The following MMP28 variants were observed in gnomAD, a reference collection of about 807,000 sequenced individuals.
MMP28 encodes matrix metalloproteinase-28.
In MMP28, 55 loss-of-function variants were observed where a neutral mutation model predicts 60.5. The observed-to-expected ratio is 0.91, with a 90% CI of 0.73 to 1.14. MMP28 has a LOEUF of 1.14. Among genes scored for constraint, MMP28 ranks in the 50% most tolerant of loss-of-function variants. The pLI, the probability that MMP28 is intolerant of heterozygous loss-of-function variation, is 0.00. For synonymous variants in MMP28, 318 were observed against 312.5 expected, an observed-to-expected ratio of 1.02 and a Z score of -0.18; for missense variants, 686 against 738.3, an observed-to-expected ratio of 0.93 and a Z score of 0.82.
downstream of MMP28, chr17:35,763,973 A>G: frequency 3.4e-6 from 5 of 1,463,484 alleles, no homozygotes; most frequent in South Asian, 1.4e-5. Context: ...TCTCGGGGAC[A>G]GCAGGACTGC....
chr17:35,788,511 C>A (rs2086720280), intron 1 of MMP28, among the ~76,000 whole-genome samples: 1 of 152,126 alleles, frequency 6.6e-6, no homozygotes, highest in Admixed American at 6.6e-5. Flanking sequence ...CCCTTCAGAG[C>A]CTCTTCTGCA....
At chr17:35,785,993 G>T (rs2086635893) in intron 1 of MMP28, among the ~76,000 whole-genome samples, 1 of 151,556 alleles carries the variant, frequency 6.6e-6, no homozygotes, top group South Asian at 2.1e-4. Context: ...TTACCTCTAT[G>T]TTCATGGAGC....
At chr17:35,760,583 G>A (rs1555601326) in intron 2 of MMP28, among the ~76,000 whole-genome samples, 1 of 152,206 alleles carries the variant, frequency 6.6e-6, no homozygotes, top group Non-Finnish European at 1.5e-5. Flanking sequence ...TACTATCTCT[G>A]ACTTACAGAT....
intron 1 of MMP28, among the ~76,000 whole-genome samples, chr17:35,793,273 C>T (rs536971254): frequency 6.6e-6 from 1 of 152,314 alleles, no homozygotes; most frequent in South Asian, 2.1e-4. Context: ...GAAATTCTCT[C>T]CATCTGGGGC....
Position 35,773,324 on chromosome 17 carries a change from C to G in MMP28, c.460G>C (p.Ala154Pro). The change falls in exon 4 of 8, where the codon GCC (alanine) becomes CCC (proline). Residue 154 changes from alanine (A) to proline (P), a missense_variant. Ala to Pro is a conservative substitution (Grantham distance 27). Coordinates refer to ENST00000605424, the MANE Select transcript of MMP28 (RefSeq NM_024302.5). The part of the protein sequence containing the change: ...EHLPEPAVRG[A>P]VRAAFQLWSN... ...CACAACTGGAAGGCGGCGCGCACGG[C>G]GCCCCGAACTGCCGGCTCCGGCAGA... 6.2e-7 allele frequency: 1 copy of G among 1,613,154 alleles called. No homozygotes were observed.
At chr17:35,790,175 T>G (rs113481585) in intron 1 of MMP28, among the ~76,000 whole-genome samples, 3 of 150,676 alleles carry the variant, frequency 2.0e-5, no homozygotes, top group African/African-American at 7.3e-5. Context: ...CAAGCAATTC[T>G]GCCTCAGCCT....
At chr17:35,793,428 T>C (rs1185998225) in intron 1 of MMP28, among the ~76,000 whole-genome samples, 1 of 152,144 alleles carries the variant, frequency 6.6e-6, no homozygotes, top group African/African-American at 2.4e-5. Flanking sequence ...GCAAAGACTC[T>C]GTACTTGATG....
chr17:35,771,716 TATATATA>T (rs2086153457), intron 4 of MMP28, among the ~76,000 whole-genome samples: 1 of 39,826 alleles, frequency 2.5e-5, no homozygotes, highest in Admixed American at 2.7e-4. Flanking sequence ...TATATATATA[TATATATA>T]TATATATATA....
rs1568128968 is a variant in MMP28, at chr17:35,766,565, GGCCCGAGGTGGTT to G, written c.1485_1497del (p.Thr496AlafsTer52). 6.2e-7 allele frequency: 1 copy of G among 1,611,136 alleles called. No homozygotes were observed. The highest frequency in any genetic ancestry group is 2.2e-5 in the East Asian group (1 of 44,812). On this transcript the variant is annotated frameshift_variant, in exon 8 of 8. Coordinates refer to ENST00000605424, the MANE Select transcript of MMP28 (RefSeq NM_024302.5). LOFTEE classifies it high-confidence loss of function. This position sits in a 1 kb window ranked among gnomAD's most constrained non-coding sequence, Gnocchi z 4.3. ...ATCCAGGGCAGCTCGGTGGCCCAGCGGCCCGAGGTGGTTGCCTGCAGTTTGGCCTGGTCGAGGC... is the reference window on the plus strand; with the variant it reads ...ATCCAGGGCAGCTCGGTGGCCCAGCGGCCTGCAGTTTGGCCTGGTCGAGGC...
In MMP28 at chr17:35,766,441, G is replaced by T. The variant is rs1056957720; in HGVS notation, c.*59C>A. 2.0e-6 allele frequency: 3 copies of T among 1,487,342 alleles called. No individual in the cohort carries two copies. Among genetic ancestry groups the T allele is most frequent in the Middle Eastern group, 2.5e-4 (1 of 4,076 alleles). The allele number at this position is 1,487,342 out of a possible 1,614,324, so 92.1% of individuals were successfully genotyped here. The stretch of plus-strand genomic sequence containing the variant: ...CTTCTAAGAGGGGTTCTGCCCCGGG[G>T]GTGGGGAACATGATTTTGCCCTGAG... On this transcript the variant is annotated 3_prime_UTR_variant, in exon 8 of 8. Transcript: ENST00000605424. This position sits in a 1 kb window ranked among gnomAD's most constrained non-coding sequence, Gnocchi z 4.3.
chr17:35,773,052 G>C, intron 4 of MMP28, 128 bp downstream of exon 4: 1 of 751,816 alleles, frequency 1.3e-6, no homozygotes, highest in East Asian at 2.7e-5. Context: ...GAGACTGAGG[G>C]TTCTCTGCAG....
intron 3 of MMP28, among the ~76,000 whole-genome samples, chr17:35,775,768 C>A (rs1555607466): frequency 3.3e-5 from 5 of 152,198 alleles, no homozygotes; most frequent in Admixed American, 6.5e-5. Context: ...CCTTTTCCAC[C>A]CCGGATACAC....
chr17:35,780,896 C>T (rs2086479686), intron 1 of MMP28, among the ~76,000 whole-genome samples: 1 of 151,024 alleles, frequency 6.6e-6, no homozygotes, highest in South Asian at 2.1e-4. Flanking sequence ...GAAAAGAAAC[C>T]AAGTGATATG....
chr17:35,778,955 C>T lies in MMP28; in HGVS notation c.312G>A (p.Glu104=). The change falls in exon 3 of 8, where the codon GAG becomes GAA. Residue 104 remains glutamate, a synonymous_variant. Coordinates refer to ENST00000605424, the MANE Select transcript of MMP28 (RefSeq NM_024302.5). ...TDTNSYAAWA[E]RISDLFARHR... ...GTCTAGCAAACAAGTCACTGATCCT[C>T]TCAGCCCAGGCCGCATAACTGTTGG... The T allele has an allele frequency of 6.2e-7, 1 of 1,614,092 alleles. No individual in the cohort carries two copies. Among genetic ancestry groups the T allele is most frequent in the African/African-American group, 1.3e-5 (1 of 75,074 alleles).
At position 35,766,254 on chromosome 17, in the gene MMP28, A is replaced by G. The variant is rs533692612; in HGVS notation, c.*246T>C. 21 of 1,294,098 alleles carry G rather than the reference A, an allele frequency of 1.6e-5. No homozygotes were observed. In the South Asian group the frequency reaches 1.7e-4, roughly 10 times the overall value. The allele number at this position is 1,294,098 out of a possible 1,614,324, so 80.2% of individuals were successfully genotyped here. A position where few individuals can be genotyped will look rare whatever the true frequency, so the allele number is the denominator to read the frequency against. ...TAGAAGTCCTCGGAGGAAAGGGCCAAGGGATCTGGGACCCTTTTTTGCTTT... is the reference window on the plus strand; with the variant it reads ...TAGAAGTCCTCGGAGGAAAGGGCCAGGGGATCTGGGACCCTTTTTTGCTTT... On this transcript the variant is annotated 3_prime_UTR_variant, in exon 8 of 8. Coordinates refer to ENST00000605424, the MANE Select transcript of MMP28 (RefSeq NM_024302.5). This position sits in a 1 kb window ranked among gnomAD's most constrained non-coding sequence, Gnocchi z 4.3.
chr17:35,758,846 T>C (rs2085769692), intron 2 of MMP28, among the ~76,000 whole-genome samples: 1 of 152,078 alleles, frequency 6.6e-6, no homozygotes. Context: ...TAAGGATGGA[T>C]GGCAAAGGGC....
At chr17:35,757,716 T>C (rs2085755471) in intron 2 of MMP28, among the ~76,000 whole-genome samples, 1 of 152,236 alleles carries the variant, frequency 6.6e-6, no homozygotes, top group African/African-American at 2.4e-5. Flanking sequence ...TTGTTACAAA[T>C]ATTCCCAATC....
chr17:35,791,722 G>C (rs906120342), intron 1 of MMP28, among the ~76,000 whole-genome samples: 1 of 151,996 alleles, frequency 6.6e-6, no homozygotes, highest in Admixed American at 6.6e-5. Context: ...TTCCATTTTG[G>C]CTGGCCCAGA....
downstream of MMP28, chr17:35,760,877 G>C: frequency 6.2e-7 from 1 of 1,601,980 alleles, no homozygotes; most frequent in Non-Finnish European, 8.5e-7. Context: ...AAGTTCTATG[G>C]GTTCTGGGCA....
Sources: allele counts gnomAD v4.1 joint callset (sites outside exome capture counted in the v4.1 genomes callset), GRCh38; gene constraint gnomAD v4.1.1; non-coding constraint Gnocchi (gnomAD v3.1); transcripts MANE v1.5; gene names NCBI Gene and HGNC (gene_info 2026-07-23, HGNC 2026-07-21).